SLC4A4: variants seen among roughly 807,000 people sequenced by gnomAD.
SLC4A4 encodes electrogenic sodium bicarbonate cotransporter 1.
Under a neutral mutation model 111.5 loss-of-function variants are expected in SLC4A4, and 27 were observed. That is an observed-to-expected ratio of 0.24 (90% CI 0.18 to 0.33). The LOEUF is 0.33. SLC4A4 is among the 10% of genes least tolerant of loss of function. The probability of loss-of-function intolerance (pLI) is 1.00; values close to 1 mark genes in which losing one functional copy is unlikely to be tolerated. For missense variants in SLC4A4, 909 were observed against 1,315.5 expected, an observed-to-expected ratio of 0.69 and a Z score of 4.78; for synonymous variants, 443 against 463.4, an observed-to-expected ratio of 0.96 and a Z score of 0.57.
At chr4:71,469,466 G>A (rs963778425) in intron 13 of SLC4A4, among the ~76,000 whole-genome samples, 3 of 151,632 alleles carry the variant, frequency 2.0e-5, no homozygotes, top group Admixed American at 6.6e-5. Context: ...TTGTATCCTT[G>A]GTTTTATGCT....
At chr4:71,098,184 C>T (rs761591141) in intron 2 of SLC4A4, among the ~76,000 whole-genome samples, 5 of 152,092 alleles carry the variant, frequency 3.3e-5, no homozygotes, top group Non-Finnish European at 4.4e-5. Context: ...TTTAATTCAT[C>T]CTGAGTTGAT....
intron 2 of SLC4A4, among the ~76,000 whole-genome samples, chr4:71,153,054 A>ATATATATATATATATATATAT (rs528058780): frequency 3.3e-4 from 46 of 140,902 alleles, no homozygotes; most frequent in Non-Finnish European, 5.3e-4. Flanking sequence ...TATATATATA[A>ATATATATATATATATATATAT]AAATAAAAGG....
chr4:71,063,056 C>T (rs72858417), intron 1 of SLC4A4, among the ~76,000 whole-genome samples: 3,357 of 152,112 alleles, frequency 0.022, 127 homozygotes, highest in African/African-American at 0.074. Context: ...ATATGAATGC[C>T]AAGAGAAGAA....
chr4:71,203,559 A>T (rs146969527), intron 1 of SLC4A4, among the ~76,000 whole-genome samples: 1 of 152,264 alleles, frequency 6.6e-6, no homozygotes, highest in East Asian at 1.9e-4. Flanking sequence ...TTTTGTTAGC[A>T]TGCATGTAGG....
intron 2 of SLC4A4, among the ~76,000 whole-genome samples, chr4:71,130,110 G>A (rs1743662569): frequency 6.6e-6 from 1 of 152,104 alleles, no homozygotes; most frequent in Non-Finnish European, 1.5e-5. Flanking sequence ...TGACAAACCT[G>A]CACATGTACC....
At chr4:71,430,540 C>T (rs1723544262) in intron 7 of SLC4A4, among the ~76,000 whole-genome samples, 1 of 152,094 alleles carries the variant, frequency 6.6e-6, no homozygotes, top group South Asian at 2.1e-4. Context: ...TATCTGGGCT[C>T]TGCAGTAGAC....
intron 2 of SLC4A4, among the ~76,000 whole-genome samples, chr4:71,122,254 A>C (rs1246523176): frequency 1.3e-5 from 2 of 148,456 alleles, no homozygotes; most frequent in Non-Finnish European, 3.0e-5. Context: ...CAGAGGTTGC[A>C]GTGAGCCGAG....
At chr4:71,416,613 G>T (rs908317219) in intron 7 of SLC4A4, among the ~76,000 whole-genome samples, 6 of 152,094 alleles carry the variant, frequency 3.9e-5, no homozygotes, top group Admixed American at 2.0e-4. Context: ...TAGAAATGTG[G>T]TGAGAATTTA....
At chr4:71,521,996 C>T (rs1209062611) in intron 16 of SLC4A4, among the ~76,000 whole-genome samples, 2 of 151,800 alleles carry the variant, frequency 1.3e-5, no homozygotes, top group Non-Finnish European at 2.9e-5. Flanking sequence ...ACTAGCAATC[C>T]CTCAGTATGA....
intron 2 of SLC4A4, among the ~76,000 whole-genome samples, chr4:71,135,146 A>C (rs1283380664): frequency 6.6e-6 from 1 of 152,088 alleles, no homozygotes; most frequent in African/African-American, 2.4e-5. Context: ...TTTATCTATT[A>C]ATTTATTTTG....
In SLC4A4 at chr4:71,226,868, TCATAGTCACTACA is replaced by T. The variant is rs377638421; in HGVS notation, c.-1-9688_-1-9676del. On this transcript the variant is annotated intron_variant, in intron 1 of 25. Transcript: ENST00000264485. ...TGAATCAATTGATTAATTGATTCAT[TCATAGTCACTACA>T]CATAGTCACTACACATAGTTAGTAG... is the stretch of plus-strand genomic sequence containing the variant. Among the ~76,000 whole-genome samples the T allele has an allele frequency of 5.5e-3, 834 of 152,120 alleles. 13 individuals carry two copies. The highest frequency in any genetic ancestry group is 0.018 in the African/African-American group (765 of 41,502).
intron 1 of SLC4A4, among the ~76,000 whole-genome samples, chr4:71,229,778 TGGGAATGAAAGGCCTTCTTAGAGCCCC>T (rs1266335080): frequency 4.9e-4 from 74 of 150,834 alleles, no homozygotes; most frequent in African/African-American, 1.7e-3. Flanking sequence ...TTACTTCCTG[TGGGAATGAAAGGCCTTCTTAGAGCCCC>T]TGCGAAGTTT....
At chr4:71,189,213 T>C (rs1745623684) in intron 1 of SLC4A4, among the ~76,000 whole-genome samples, 1 of 152,216 alleles carries the variant, frequency 6.6e-6, no homozygotes, top group Admixed American at 6.5e-5. Flanking sequence ...AGGGTTTTGG[T>C]GCCATTTGCT....
intron 5 of SLC4A4, among the ~76,000 whole-genome samples, chr4:71,352,673 G>T (rs1473124043): frequency 6.6e-6 from 1 of 152,156 alleles, no homozygotes; most frequent in African/African-American, 2.4e-5. Context: ...ACCTTTCAGG[G>T]TTGTTATGAG....
chr4:71,117,939 C>T (rs1356358393), intron 2 of SLC4A4, among the ~76,000 whole-genome samples: 1 of 147,638 alleles, frequency 6.8e-6, no homozygotes, highest in Non-Finnish European at 1.5e-5. Flanking sequence ...TGTGGTGGTG[C>T]TATCTTGCCT....
intron 15 of SLC4A4, among the ~76,000 whole-genome samples, chr4:71,495,379 T>C (rs552282433): frequency 2.6e-5 from 4 of 152,224 alleles, no homozygotes; most frequent in South Asian, 2.1e-4. Context: ...AGAAACCTGT[T>C]AGCTATTATG....
At chr4:71,403,541 G>T (rs1455335088) in intron 7 of SLC4A4, among the ~76,000 whole-genome samples, 1 of 152,176 alleles carries the variant, frequency 6.6e-6, no homozygotes, top group Non-Finnish European at 1.5e-5. Context: ...AAGAGGGTTA[G>T]CCAGTAAGGA....
intron 2 of SLC4A4, among the ~76,000 whole-genome samples, chr4:71,155,386 T>C (rs1013218763): frequency 6.6e-6 from 1 of 152,182 alleles, no homozygotes; most frequent in African/African-American, 2.4e-5. Context: ...ACATCAGTGG[T>C]CTCATCTTTA....
intron 2 of SLC4A4, among the ~76,000 whole-genome samples, chr4:71,179,081 T>G (rs910271649): frequency 6.6e-6 from 1 of 152,188 alleles, no homozygotes; most frequent in Non-Finnish European, 1.5e-5. Context: ...ATCCAGCATA[T>G]AAACAGAACC....
Sources: allele counts gnomAD v4.1 joint callset (sites outside exome capture counted in the v4.1 genomes callset), GRCh38; gene constraint gnomAD v4.1.1; transcripts MANE v1.5; gene names NCBI Gene and HGNC (gene_info 2026-07-23, HGNC 2026-07-21).